C1GALT1: variants seen among roughly 807,000 people sequenced by gnomAD.
The protein encoded by C1GALT1 is core 1 synthase, glycoprotein-N-acetylgalactosamine 3-beta-galactosyltransferase 1, also known as glycoprotein-N-acetylgalactosamine 3-beta-galactosyltransferase 1.
C1GALT1 carries 11 observed loss-of-function variants against 31.0 expected under a neutral mutation model. The ratio of observed to expected loss-of-function variants is 0.36; its 90% CI spans 0.22 to 0.59. The LOEUF is 0.59. C1GALT1 is among the 20% of genes least tolerant of loss of function. The pLI is 0.79. For synonymous variants in C1GALT1, 175 were observed against 143.6 expected (o/e 1.22, Z -1.56); for missense variants, 424 against 425.2 (o/e 1.00, Z 0.03).
chr7:7,217,407 A>C (rs1782296704), intron 1 of C1GALT1, among the ~76,000 whole-genome samples: 1 of 151,920 alleles, frequency 6.6e-6, no homozygotes, highest in African/African-American at 2.4e-5. Flanking sequence ...TACATCACCC[A>C]GGCTGCAGTG....
At position 7,244,114 on chromosome 7, in the gene C1GALT1, AAAG is replaced by A. The variant is rs1783752872; in HGVS notation, c.*390_*392del. 1 of 151,060 alleles carries A rather than the reference AAAG, an allele frequency of 6.6e-6. No homozygotes were observed. The highest frequency in any genetic ancestry group is 2.4e-5 in the African/African-American group (1 of 41,096). The allele number at this position is 151,060 out of a possible 1,614,324, so 9.4% of individuals were successfully genotyped here. A position where few individuals can be genotyped will look rare whatever the true frequency, so the allele number is the denominator to read the frequency against. ...GTAATAAACAGATCTGCCTTAAAGAAAAGAAAATTTTAGAAAGAAATATTGTTG... is the reference window on the plus strand; with the variant it reads ...GTAATAAACAGATCTGCCTTAAAGAAAAAATTTTAGAAAGAAATATTGTTG... On this transcript the variant is annotated 3_prime_UTR_variant, in exon 4 of 4. Coordinates refer to ENST00000436587, the MANE Select transcript of C1GALT1 (RefSeq NM_020156.5).
chr7:7,190,242 CTG>C (rs1184576025), intron 1 of C1GALT1, among the ~76,000 whole-genome samples: 6 of 152,262 alleles, frequency 3.9e-5, no homozygotes, highest in East Asian at 1.9e-4. Context: ...CACGGCAAGA[CTG>C]TGTGTCAAGG....
intron 1 of C1GALT1, among the ~76,000 whole-genome samples, chr7:7,223,556 T>C (rs1479454599): frequency 6.6e-6 from 1 of 152,100 alleles, no homozygotes; most frequent in Non-Finnish European, 1.5e-5. Flanking sequence ...GTTTTATGGG[T>C]TTCGTTTTTG....
intron 1 of C1GALT1, among the ~76,000 whole-genome samples, chr7:7,197,847 A>G (rs1781365309): frequency 6.6e-6 from 1 of 151,786 alleles, no homozygotes; most frequent in South Asian, 2.1e-4. Flanking sequence ...TCTGTCTGTT[A>G]TTGGTGTATA....
intron 1 of C1GALT1, among the ~76,000 whole-genome samples, chr7:7,233,966 C>T (rs192731814): frequency 1.6e-3 from 205 of 129,536 alleles, no homozygotes; most frequent in Non-Finnish European, 1.9e-3. Flanking sequence ...AAGTAGACTT[C>T]CGTACTCAGA....
At chr7:7,168,627 G>T (rs1476434901) in intron 2 of C1GALT1, among the ~76,000 whole-genome samples, 1 of 152,016 alleles carries the variant, frequency 6.6e-6, no homozygotes, top group African/African-American at 2.4e-5. Context: ...TCATCAACTA[G>T]GTGTATGATA....
intron 1 of C1GALT1, among the ~76,000 whole-genome samples, chr7:7,202,080 A>T (rs376626230): frequency 6.6e-6 from 1 of 152,186 alleles, no homozygotes; most frequent in African/African-American, 2.4e-5. Context: ...TCTCAGCTCC[A>T]GGTGAGGTCA....
intron 1 of C1GALT1, among the ~76,000 whole-genome samples, chr7:7,217,974 GAA>G (rs1782324523): frequency 6.6e-6 from 1 of 152,196 alleles, no homozygotes; most frequent in Non-Finnish European, 1.5e-5. Context: ...ACTGGTGAGA[GAA>G]AGACACATGA....
At position 7,243,992 on chromosome 7, in the gene C1GALT1, A is replaced by G; in HGVS notation, c.*265A>G. On this transcript the variant is annotated 3_prime_UTR_variant, in exon 4 of 4. Transcript: ENST00000436587. ...TAAATGGTGGCCAGGTAGAGGAACT[A>G]GAAAAGAGATTTTGTTGCCTGTTTT... is the stretch of plus-strand genomic sequence containing the variant. The G allele has an allele frequency of 4.4e-6, 1 of 227,872 alleles. No homozygotes were observed. The highest frequency in any genetic ancestry group is 8.5e-6 in the Non-Finnish European group (1 of 118,332). The allele number at this position is 227,872 out of a possible 1,614,324, so 14.1% of individuals were successfully genotyped here.
At chr7:7,192,360 T>C (rs1419791438) in intron 1 of C1GALT1, among the ~76,000 whole-genome samples, 2 of 152,128 alleles carry the variant, frequency 1.3e-5, no homozygotes, top group Admixed American at 1.3e-4. Context: ...CCTCATAGCT[T>C]AGTTCCCATT....
intron 2 of C1GALT1, among the ~76,000 whole-genome samples, chr7:7,166,542 A>G (rs1343431152): frequency 2.0e-5 from 3 of 152,152 alleles, no homozygotes; most frequent in African/African-American, 4.8e-5. Context: ...GAGGTGATAG[A>G]TACATTCATT....
At chr7:7,187,309 G>A (rs570734417) in intron 1 of C1GALT1, among the ~76,000 whole-genome samples, 9 of 151,958 alleles carry the variant, frequency 5.9e-5, no homozygotes, top group Admixed American at 2.6e-4. Context: ...GAGTGCAGTG[G>A]CGCGATCTCA....
At position 7,243,784 on chromosome 7, in the gene C1GALT1, T is replaced by C; in HGVS notation, c.*57T>C. 7.9e-7 allele frequency: 1 copy of C among 1,267,732 alleles called. No individual in the cohort carries two copies. The highest frequency in any genetic ancestry group is 1.1e-6 in the Non-Finnish European group (1 of 921,980). 78.5% of individuals were successfully genotyped at this position (1,267,732 alleles called of 1,614,324 possible). A position where few individuals can be genotyped will look rare whatever the true frequency, so the allele number is the denominator to read the frequency against. ...TCTAGCACTGCACTGAAAAAGGACT[T>C]CTGCATTTCTGACATAGAACACTGG... On this transcript the variant is annotated 3_prime_UTR_variant, in exon 4 of 4. Transcript: ENST00000436587.
intron 1 of C1GALT1, among the ~76,000 whole-genome samples, chr7:7,184,975 C>G (rs1208036178): frequency 6.6e-6 from 1 of 152,108 alleles, no homozygotes; most frequent in African/African-American, 2.4e-5. Flanking sequence ...AGCCTTTTAT[C>G]TTAAAATCTG....
chr7:7,202,241 G>T (rs1305601213), intron 1 of C1GALT1, among the ~76,000 whole-genome samples: 2 of 152,134 alleles, frequency 1.3e-5, no homozygotes, highest in Non-Finnish European at 2.9e-5. Context: ...AAGGTCTATG[G>T]ATTCTCTCGG....
intron 2 of C1GALT1, among the ~76,000 whole-genome samples, chr7:7,235,721 C>G (rs781266000): frequency 1.2e-4 from 19 of 152,180 alleles, no homozygotes; most frequent in Non-Finnish European, 2.5e-4. Context: ...ATTGAGTCTC[C>G]TTTTCCTTCC....
intron 1 of C1GALT1, among the ~76,000 whole-genome samples, chr7:7,202,286 G>C (rs188306878): frequency 6.6e-6 from 1 of 152,108 alleles, no homozygotes; most frequent in African/African-American, 2.4e-5. Context: ...GTAGTTCTTC[G>C]AGTAAAAGTT....
rs1783894398 is a variant in C1GALT1 at position 7,247,552 on chromosome 7, T to C, written c.*3825T>C. ...CTAACTGGTTATTTTCACAATTTTC[T>C]TGAATATTAATTTTTCACTTCTTTG... On this transcript the variant is annotated 3_prime_UTR_variant, in exon 4 of 4. Transcript: ENST00000436587. The C allele has an allele frequency of 6.6e-6, 1 of 152,138 alleles. No individual in the cohort carries two copies. Among genetic ancestry groups the C allele is most frequent in the Non-Finnish European group, 1.5e-5 (1 of 67,958 alleles). 9.4% of individuals were successfully genotyped at this position (152,138 alleles called of 1,614,324 possible). A position where few individuals can be genotyped will look rare whatever the true frequency, so the allele number is the denominator to read the frequency against.
chr7:7,236,850 AC>A (rs1470381539), intron 2 of C1GALT1, among the ~76,000 whole-genome samples: 1 of 152,128 alleles, frequency 6.6e-6, no homozygotes, highest in Non-Finnish European at 1.5e-5. Flanking sequence ...TTTATGTTCC[AC>A]CCAGCTTTTC....
Sources: allele counts gnomAD v4.1 joint callset (sites outside exome capture counted in the v4.1 genomes callset), GRCh38; gene constraint gnomAD v4.1.1; transcripts MANE v1.5; gene names NCBI Gene and HGNC (gene_info 2026-07-23, HGNC 2026-07-21).